The following AQP2 variants were observed in gnomAD, a reference collection of about 807,000 sequenced individuals.
AQP2 encodes the protein aquaporin 2.
Under a neutral mutation model 21.6 loss-of-function variants are expected in AQP2, and 20 were observed. The observed-to-expected ratio is 0.92, with a 90% CI of 0.65 to 1.34. The LOEUF (loss-of-function observed/expected upper bound fraction) is 1.34. Ranked by LOEUF, AQP2 falls within the 40% of genes most tolerant of loss-of-function variation. The pLI is 0.00. For synonymous variants in AQP2, 168 were observed against 166.9 expected (o/e 1.01, Z -0.05); for missense variants, 325 against 363.4 (o/e 0.89, Z 0.86).
At chr12:49,954,774 C>G in intron 3 of AQP2, 64 bp downstream of exon 3, 1 of 1,542,242 alleles carries the variant, frequency 6.5e-7, no homozygotes, top group Non-Finnish European at 9.0e-7. Context: ...AGAACAAGAG[C>G]TGGAATAGCA....
At chr12:49,953,724 C>G (rs558950338) in intron 1 of AQP2, among the ~76,000 whole-genome samples, 42 of 152,350 alleles carry the variant, frequency 2.8e-4, no homozygotes, top group African/African-American at 9.9e-4. Context: ...GACCACAGGC[C>G]TCTCATTGCA....
Position 49,957,801 on chromosome 12 carries a change from A to G in AQP2, c.*2193A>G, listed in dbSNP as rs1295459900. The G allele has an allele frequency of 6.6e-6, 1 of 152,218 alleles. No individual in the cohort carries two copies. Among genetic ancestry groups the G allele is most frequent in the Admixed American group, 6.5e-5 (1 of 15,280 alleles). The allele number at this position is 152,218 out of a possible 1,614,324, so 9.4% of individuals were successfully genotyped here. On this transcript the variant is annotated 3_prime_UTR_variant, in exon 4 of 4. Coordinates refer to ENST00000199280, the MANE Select transcript of AQP2 (RefSeq NM_000486.6). ...TTGCTCTAGAGGTTCAAAGGCAGCAAGGCAGTGAGCTATGAGCCCAGCATG... is the reference window on the plus strand; with the variant it reads ...TTGCTCTAGAGGTTCAAAGGCAGCAGGGCAGTGAGCTATGAGCCCAGCATG...
intron 1 of AQP2, chr12:49,951,693 C>T (rs1947331317): frequency 6.5e-6 from 1 of 154,920 alleles, no homozygotes; most frequent in Non-Finnish European, 1.4e-5. Flanking sequence ...TGGGCATACT[C>T]ACTTCTCCAA....
In AQP2 at chr12:49,956,590, T is replaced by C. The variant is rs1389809868; in HGVS notation, c.*982T>C. ...CTTCGGCGCAGAAAACAAAAGCCCT[T>C]TGTGGGACCCGGGCCTTTGTCTTGG... is the stretch of plus-strand genomic sequence containing the variant. On this transcript the variant is annotated 3_prime_UTR_variant, in exon 4 of 4. Transcript: ENST00000199280. 6.6e-6 allele frequency: 1 copy of C among 152,084 alleles called. No homozygotes were observed. The highest frequency in any genetic ancestry group is 1.5e-5 in the Non-Finnish European group (1 of 68,000). 9.4% of individuals were successfully genotyped at this position (152,084 alleles called of 1,614,324 possible). A position where few individuals can be genotyped will look rare whatever the true frequency, so the allele number is the denominator to read the frequency against.
intron 1 of AQP2, chr12:49,951,911 A>G (rs926813759): frequency 2.0e-5 from 3 of 152,308 alleles, no homozygotes; most frequent in African/African-American, 7.2e-5. Flanking sequence ...CAACAGATCA[A>G]CACTCACTCT....
At position 49,958,639 on chromosome 12, in the gene AQP2, G is replaced by A. The variant is rs902314602; in HGVS notation, c.*3031G>A. The A allele has an allele frequency of 1.3e-5, 2 of 152,276 alleles. No individual in the cohort carries two copies. Among genetic ancestry groups the A allele is most frequent in the African/African-American group, 4.8e-5 (2 of 41,466 alleles). The allele number at this position is 152,276 out of a possible 1,614,324, so 9.4% of individuals were successfully genotyped here. ...TCCAGGTCCCTAAGCTGGGGACAGAGAAGGTTCTGAGCTGTCCCATACTCC... is the reference window on the plus strand; with the variant it reads ...TCCAGGTCCCTAAGCTGGGGACAGAAAAGGTTCTGAGCTGTCCCATACTCC... On this transcript the variant is annotated 3_prime_UTR_variant, in exon 4 of 4. Coordinates refer to ENST00000199280, the MANE Select transcript of AQP2 (RefSeq NM_000486.6).
Position 49,954,199 on chromosome 12 carries a change from C to G in AQP2, c.405C>G (p.Leu135=), listed in dbSNP as rs552650143. The G allele has an allele frequency of 6.2e-7, 1 of 1,602,210 alleles. No individual in the cohort carries two copies. The highest frequency in any genetic ancestry group is 1.1e-5 in the South Asian group (1 of 91,062). ...TTAGQAVTVE[L]FLTLQLVLCI... ...CTGGCCAGGCGGTGACTGTGGAGCT[C>G]TTCCTGACACTGCAGCTGGTGCTCT... The change falls in exon 2 of 4, where the codon CTC becomes CTG. Residue 135 remains leucine, a synonymous_variant. Transcript: ENST00000199280.
In AQP2 at chr12:49,955,782, G is replaced by C. The variant is rs1002096443; in HGVS notation, c.*174G>C. 8 of 904,454 alleles carry C rather than the reference G, an allele frequency of 8.8e-6. No homozygotes were observed. Among genetic ancestry groups the C allele is most frequent in the Non-Finnish European group, 1.2e-5 (7 of 572,948 alleles). The allele number at this position is 904,454 out of a possible 1,614,324, so 56.0% of individuals were successfully genotyped here. ...GTGAGCAGGCGGGGAGGAGGCTGCC[G>C]GAGGGAGCCCTGAGCCTGGCAGGTC... On this transcript the variant is annotated 3_prime_UTR_variant, in exon 4 of 4. Coordinates refer to ENST00000199280, the MANE Select transcript of AQP2 (RefSeq NM_000486.6).
Position 49,955,512 on chromosome 12 carries a change from G to A in AQP2, c.720G>A (p.Leu240=). 6.2e-7 allele frequency: 1 copy of A among 1,612,488 alleles called. No homozygotes were observed. ...AGCGCCTGGCAGTGCTGAAGGGCCT[G>A]GAGCCGGACACCGATTGGGAGGAGC... The part of the protein sequence containing the change: ...LSERLAVLKG[L]EPDTDWEERE... The change falls in exon 4 of 4, where the codon CTG becomes CTA. Residue 240 remains leucine (L), a synonymous_variant. Transcript: ENST00000199280.
At chr12:49,951,626 G>A (rs551955272) in intron 1 of AQP2, 4 of 171,046 alleles carry the variant, frequency 2.3e-5, no homozygotes, top group Non-Finnish European at 3.7e-5. Flanking sequence ...TGCAGGTCCC[G>A]TGGCAGGTGC....
At position 49,955,554 on chromosome 12, in the gene AQP2, G is replaced by A; in HGVS notation, c.762G>A (p.Arg254=). 1 of 1,603,016 alleles carries A rather than the reference G, an allele frequency of 6.2e-7. No individual in the cohort carries two copies. The highest frequency in any genetic ancestry group is 1.3e-5 in the African/African-American group (1 of 74,912). ...TDWEEREVRR[R]QSVELHSPQS... ...GGGAGGAGCGCGAGGTGCGACGGCG[G>A]CAGTCGGTGGAGCTGCACTCGCCGC... Residue 254 remains arginine (R), a synonymous_variant, in exon 4 of 4, where the codon CGG becomes CGA. Coordinates refer to ENST00000199280, the MANE Select transcript of AQP2 (RefSeq NM_000486.6).
chr12:49,952,354 C>T (rs1005176523), intron 1 of AQP2, among the ~76,000 whole-genome samples: 1 of 152,188 alleles, frequency 6.6e-6, no homozygotes, highest in Admixed American at 6.5e-5. Flanking sequence ...GTGATCCACC[C>T]GCCTCAGCCT....
chr12:49,955,349 C>A, intron 3 of AQP2, 50 bp from the exon 4 acceptor site: 1 of 1,583,918 alleles, frequency 6.3e-7, no homozygotes, highest in Non-Finnish European at 8.6e-7. Context: ...GCGGGCTCCG[C>A]GTGCCGGTGC....
rs2137148748 is a variant in AQP2 at position 49,955,401 on chromosome 12, C to T, written c.609C>T (p.Val203=). 1 of 1,612,348 alleles carries T rather than the reference C, an allele frequency of 6.2e-7. No homozygotes were observed. The highest frequency in any genetic ancestry group is 1.3e-5 in the African/African-American group (1 of 75,038). Residue 203 remains valine, a splice_region_variant and synonymous_variant, in exon 4 of 4, where the codon GTC becomes GTT. Coordinates refer to ENST00000199280, the MANE Select transcript of AQP2 (RefSeq NM_000486.6). Reference sequence around the variant, plus strand: ...CCGCCCTCTCCGCTCGCCCCCAGGTCTTCTGGATCGGACCCCTGGTGGGCG... The same window carrying T: ...CCGCCCTCTCCGCTCGCCCCCAGGTTTTCTGGATCGGACCCCTGGTGGGCG... ...VVTGKFDDHW[V]FWIGPLVGAI...
intron 1 of AQP2, among the ~76,000 whole-genome samples, chr12:49,953,074 CAGA>C (rs1363072666): frequency 6.6e-6 from 1 of 152,224 alleles, no homozygotes; most frequent in Non-Finnish European, 1.5e-5. Flanking sequence ...TCCCATTTCA[CAGA>C]AGGAGAAACT....
Position 49,955,923 on chromosome 12 carries a change from T to G in AQP2, c.*315T>G. 1 of 552,640 alleles carries G rather than the reference T, an allele frequency of 1.8e-6. No individual in the cohort carries two copies. The highest frequency in any genetic ancestry group is 3.3e-6 in the Non-Finnish European group (1 of 304,432). The allele number at this position is 552,640 out of a possible 1,614,324, so 34.2% of individuals were successfully genotyped here. A position where few individuals can be genotyped will look rare whatever the true frequency, so the allele number is the denominator to read the frequency against. ...CAGGTGGGTGGTAAGAGGGAAACTC[T>G]GGAGAGCCTGCACCCAGGTACTGAG... On this transcript the variant is annotated 3_prime_UTR_variant, in exon 4 of 4. Coordinates refer to ENST00000199280, the MANE Select transcript of AQP2 (RefSeq NM_000486.6).
Position 49,955,440 on chromosome 12 carries a change from C to T in AQP2, c.648C>T (p.Ser216=). 1 of 1,612,812 alleles carries T rather than the reference C, an allele frequency of 6.2e-7. No individual in the cohort carries two copies. The highest frequency in any genetic ancestry group is 1.7e-4 in the Middle Eastern group (1 of 6,054). ...IGPLVGAILG[S]LLYNYVLFPP... ...CCCTGGTGGGCGCCATCCTGGGCTC[C>T]CTCCTCTACAACTACGTGCTGTTTC... is the stretch of plus-strand genomic sequence containing the variant. Residue 216 remains serine (S), a synonymous_variant, in exon 4 of 4, where the codon TCC becomes TCT. Transcript: ENST00000199280.
rs1280566801 is a variant in AQP2 at position 49,954,167 on chromosome 12, A to G, written c.373A>G (p.Thr125Ala). ...DLAVNALSNSTTAGQAVTVEL... is the reference protein window; with the variant it reads ...DLAVNALSNSATAGQAVTVEL... Reference sequence around the variant, plus strand: ...TCTCTGTCCCCAGCTCAGCAACAGCACGACGGCTGGCCAGGCGGTGACTGT... The same window carrying G: ...TCTCTGTCCCCAGCTCAGCAACAGCGCGACGGCTGGCCAGGCGGTGACTGT... Residue 125 changes from threonine to alanine, a missense_variant, in exon 2 of 4, where the codon ACG becomes GCG. Coordinates refer to ENST00000199280, the MANE Select transcript of AQP2 (RefSeq NM_000486.6). The G allele has an allele frequency of 6.3e-7, 1 of 1,599,306 alleles. No individual in the cohort carries two copies. Among genetic ancestry groups the G allele is most frequent in the Non-Finnish European group, 8.5e-7 (1 of 1,179,944 alleles).
chr12:49,955,619 C>T lies in AQP2; in HGVS notation c.*11C>T. 6.5e-7 allele frequency: 1 copy of T among 1,545,058 alleles called. No homozygotes were observed. The highest frequency in any genetic ancestry group is 8.7e-7 in the Non-Finnish European group (1 of 1,151,568). ...GGTACCAAGGCCTGAGGGCCGCCAG[C>T]GGCCTCTACGGCCCCGACGGACGCT... is the stretch of plus-strand genomic sequence containing the variant. On this transcript the variant is annotated 3_prime_UTR_variant, in exon 4 of 4. Coordinates refer to ENST00000199280, the MANE Select transcript of AQP2 (RefSeq NM_000486.6).
Sources: gnomAD v4.1 joint callset for allele counts (sites outside exome capture counted in the v4.1 genomes callset) on GRCh38, gnomAD v4.1.1 for gene constraint, MANE v1.5 for transcripts, NCBI Gene and HGNC (gene_info 2026-07-23, HGNC 2026-07-21) for gene names.